EPB41L4B: variants seen among roughly 807,000 people sequenced by gnomAD.
EPB41L4B encodes band 4.1-like protein 4B.
A neutral mutation model predicts 112.5 loss-of-function variants in EPB41L4B; 30 were observed. The ratio of observed to expected loss-of-function variants is 0.27; its 90% CI spans 0.20 to 0.36. The LOEUF (loss-of-function observed/expected upper bound fraction) is 0.36, where lower values mean the gene tolerates loss of function less well. Among genes scored for constraint, EPB41L4B ranks in the 10% least tolerant of loss-of-function variants. The probability of loss-of-function intolerance (pLI) is 1.00; values close to 1 mark genes in which losing one functional copy is unlikely to be tolerated. For missense variants in EPB41L4B, 1,024 were observed against 1,133.3 expected (o/e 0.90, Z 1.38); for synonymous variants, 408 against 439.7 (o/e 0.93, Z 0.90).
intron 15 of EPB41L4B, among the ~76,000 whole-genome samples, chr9:109,220,264 C>G (rs756928831): frequency 2.0e-4 from 30 of 152,090 alleles, no homozygotes; most frequent in Admixed American, 7.9e-4. Context: ...AGCAAAGGAA[C>G]GGTGGTTGAA....
intron 20 of EPB41L4B, among the ~76,000 whole-genome samples, chr9:109,199,044 T>C (rs1832736324): frequency 6.6e-6 from 1 of 152,182 alleles, no homozygotes; most frequent in Non-Finnish European, 1.5e-5. Flanking sequence ...TTGTGACTCT[T>C]GTCTTTCCCT....
chr9:109,268,501 C>T, intron 2 of EPB41L4B, 68 bp from the exon 3 acceptor site: 2 of 1,402,872 alleles, frequency 1.4e-6, no homozygotes, highest in Non-Finnish European at 2.0e-6. Context: ...CTCACAGTTA[C>T]CCTCCTCTAA....
chr9:109,282,156 T>A lies in EPB41L4B; in HGVS notation c.307-2235A>T, dbSNP rs1199367351. Among the ~76,000 whole-genome samples the A allele has an allele frequency of 3.9e-5, 6 of 152,092 alleles. No homozygotes were observed. In the East Asian group the frequency reaches 1.2e-3, roughly 29 times the overall value. On this transcript the variant is annotated intron_variant, in intron 1 of 25. Transcript: ENST00000374566. ...GCCAGACACAAGGAGCCACCACACA[T>A]CATATGATCCATTTATAAGAAACCT...
chr9:109,174,196 T>C lies in EPB41L4B; in HGVS notation c.*358A>G, dbSNP rs191161057. 44 of 176,996 alleles carry C rather than the reference T, an allele frequency of 2.5e-4. No homozygotes were observed. Among genetic ancestry groups the C allele is most frequent in the Non-Finnish European group, 1.9e-4 (16 of 82,798 alleles). The allele number at this position is 176,996 out of a possible 1,614,324, so 11.0% of individuals were successfully genotyped here. ...CAAAGCTCGGTGCAAGTTTCAATCA[T>C]ACAAAATCAAATGGTTGAAATTGAT... On this transcript the variant is annotated 3_prime_UTR_variant, in exon 26 of 26. Coordinates refer to ENST00000374566, the MANE Select transcript of EPB41L4B (RefSeq NM_019114.5).
intron 20 of EPB41L4B, among the ~76,000 whole-genome samples, chr9:109,197,819 C>A (rs200357967): frequency 4.0e-3 from 521 of 131,764 alleles, no homozygotes; most frequent in Admixed American, 4.0e-3. Context: ...GACTCTGTAT[C>A]AAAAAAAAAA....
At chr9:109,301,014 A>G (rs1836944007) in intron 1 of EPB41L4B, 1 of 152,208 alleles carries the variant, frequency 6.6e-6, no homozygotes, top group South Asian at 2.1e-4. Flanking sequence ...ACTCATAGCC[A>G]CCATAGCCCT....
chr9:109,240,879 T>G, intron 15 of EPB41L4B: 1 of 985,436 alleles, frequency 1.0e-6, no homozygotes, highest in Non-Finnish European at 1.2e-6. Flanking sequence ...ACATTAAAAA[T>G]TATTCCCATA....
At chr9:109,273,852 T>A (rs1183153295) in intron 2 of EPB41L4B, among the ~76,000 whole-genome samples, 2 of 152,210 alleles carry the variant, frequency 1.3e-5, no homozygotes, top group African/African-American at 2.4e-5. Flanking sequence ...GCATTTATAC[T>A]CTCCTATGTC....
intron 24 of EPB41L4B, among the ~76,000 whole-genome samples, chr9:109,179,012 T>C (rs1179694312): frequency 4.0e-5 from 6 of 151,584 alleles, no homozygotes; most frequent in Non-Finnish European, 5.9e-5. Context: ...ATTTGTTGAA[T>C]GAGGAAATGA....
Position 109,185,474 on chromosome 9 carries a change from T to G in EPB41L4B, c.2418+15A>C. ...CCTCTCCTGGCCAGGCCCCTCTCCC[T>G]GCCAGGGTACCTACCAGCCTCGTTT... On this transcript the variant is annotated intron_variant, in intron 23 of 25. Transcript: ENST00000374566. 6.2e-7 allele frequency: 1 copy of G among 1,610,686 alleles called. No homozygotes were observed. The highest frequency in any genetic ancestry group is 1.1e-5 in the South Asian group (1 of 91,016).
At chr9:109,290,560 G>A (rs914587101) in intron 1 of EPB41L4B, among the ~76,000 whole-genome samples, 1 of 152,196 alleles carries the variant, frequency 6.6e-6, no homozygotes, top group Non-Finnish European at 1.5e-5. Context: ...GGGATCAGCA[G>A]TTGGCTTCCC....
At chr9:109,217,770 G>A (rs1267870529) in intron 15 of EPB41L4B, among the ~76,000 whole-genome samples, 2 of 152,020 alleles carry the variant, frequency 1.3e-5, no homozygotes, top group East Asian at 1.9e-4. Context: ...ACAGGATCTC[G>A]CTATGTTGCC....
chr9:109,251,438 C>T (rs775682564), intron 13 of EPB41L4B, 43 bp downstream of exon 13: 3 of 1,584,378 alleles, frequency 1.9e-6, no homozygotes, highest in Admixed American at 1.7e-5. Context: ...TAAATACGAT[C>T]CTTAGAGAGG....
Position 109,255,690 on chromosome 9 carries a change from GA to G in EPB41L4B, c.1000-11del, listed in dbSNP as rs528071124. On this transcript the variant is annotated splice_polypyrimidine_tract_variant and intron_variant, in intron 10 of 25. Coordinates refer to ENST00000374566, the MANE Select transcript of EPB41L4B (RefSeq NM_019114.5). Reference sequence around the variant, plus strand: ...GCTCTTGCTCACGTCCCTTAAAGAGGAAGCACAAGGGCCTCGAGTGGGCGTT... The same window carrying G: ...GCTCTTGCTCACGTCCCTTAAAGAGGAGCACAAGGGCCTCGAGTGGGCGTT... 1 of 1,611,244 alleles carries G rather than the reference GA, an allele frequency of 6.2e-7. No homozygotes were observed. The highest frequency in any genetic ancestry group is 8.5e-7 in the Non-Finnish European group (1 of 1,177,688).
intron 22 of EPB41L4B, among the ~76,000 whole-genome samples, chr9:109,189,736 C>A (rs1832396955): frequency 1.3e-5 from 2 of 151,796 alleles, no homozygotes; most frequent in African/African-American, 4.8e-5. Context: ...TCAAGCGATT[C>A]TCCTGCCTCA....
At chr9:109,175,738 T>C (rs1831802082) in intron 25 of EPB41L4B, among the ~76,000 whole-genome samples, 1 of 152,180 alleles carries the variant, frequency 6.6e-6, no homozygotes, top group South Asian at 2.1e-4. Context: ...ACAAAGTTTC[T>C]ACTGTAGCCA....
chr9:109,289,536 T>C (rs1443230083), intron 1 of EPB41L4B, among the ~76,000 whole-genome samples: 5 of 152,272 alleles, frequency 3.3e-5, no homozygotes, highest in African/African-American at 1.2e-4. Context: ...CCTCAGTTCC[T>C]ACAACAGTCT....
chr9:109,238,688 A>T (rs950917442), intron 15 of EPB41L4B, among the ~76,000 whole-genome samples: 1 of 152,168 alleles, frequency 6.6e-6, no homozygotes, highest in African/African-American at 2.4e-5. Context: ...GGGGGTTATT[A>T]CTGGAACACA....
At chr9:109,185,723 A>C in intron 22 of EPB41L4B, 118 bp from the exon 23 acceptor site, 1 of 691,854 alleles carries the variant, frequency 1.4e-6, no homozygotes, top group Non-Finnish European at 2.3e-6. Flanking sequence ...AGATCTGGCA[A>C]CTCCAGACTG....
Sources: gnomAD v4.1 joint callset for allele counts (sites outside exome capture counted in the v4.1 genomes callset) on GRCh38, gnomAD v4.1.1 for gene constraint, MANE v1.5 for transcripts, NCBI Gene and HGNC (gene_info 2026-07-23, HGNC 2026-07-21) for gene names.